Variants in GALNT2 observed in about 807,000 individuals in gnomAD.
GALNT2 encodes UDP-GalNAc:polypeptide N-acetylgalactosaminyltransferase 2.
In GALNT2, 31 loss-of-function variants were observed where a neutral mutation model predicts 81.4. The observed-to-expected ratio is 0.38, with a 90% CI of 0.29 to 0.51. The LOEUF (loss-of-function observed/expected upper bound fraction) is 0.51, where lower values mean the gene tolerates loss of function less well. Among genes scored for constraint, GALNT2 ranks in the 20% least tolerant of loss-of-function variants. GALNT2 has a pLI of 0.87. For synonymous variants in GALNT2, 303 were observed against 287.4 expected (o/e 1.05, Z -0.55); for missense variants, 629 against 765.7 (o/e 0.82, Z 2.11).
At chr1:230,268,325 C>G (rs975966078) in intron 14 of GALNT2, 17 of 152,084 alleles carry the variant, frequency 1.1e-4, no homozygotes, top group Admixed American at 8.5e-4. Flanking sequence ...GATGACAAAA[C>G]GGACGAGGTG....
At chr1:230,232,886 C>T (rs1664909672) in intron 3 of GALNT2, among the ~76,000 whole-genome samples, 1 of 152,014 alleles carries the variant, frequency 6.6e-6, no homozygotes. Context: ...TGCTTTTTTC[C>T]CCCAGACAAC....
At chr1:230,203,560 A>G (rs1256710390) in intron 3 of GALNT2, among the ~76,000 whole-genome samples, 1 of 152,174 alleles carries the variant, frequency 6.6e-6, no homozygotes, top group African/African-American at 2.4e-5. Flanking sequence ...TCAGAAAGAG[A>G]GTTGTGTGAC....
At chr1:230,194,605 C>A (rs1006192202) in intron 2 of GALNT2, among the ~76,000 whole-genome samples, 1 of 152,222 alleles carries the variant, frequency 6.6e-6, no homozygotes, top group African/African-American at 2.4e-5. Flanking sequence ...CTTCCTCTTG[C>A]GGTTAGCCCA....
intron 10 of GALNT2, among the ~76,000 whole-genome samples, chr1:230,254,245 T>C (rs1411132558): frequency 6.6e-6 from 1 of 152,194 alleles, no homozygotes; most frequent in African/African-American, 2.4e-5. Context: ...TACCTGTGTG[T>C]CACAAAAGGC....
chr1:230,094,969 A>G (rs1323028273), intron 1 of GALNT2, among the ~76,000 whole-genome samples: 1 of 152,082 alleles, frequency 6.6e-6, no homozygotes, highest in East Asian at 1.9e-4. Flanking sequence ...ATGCAAGTGG[A>G]CCTCTAAGCA....
rs1416506765 is a variant in GALNT2, at chr1:230,280,856, CAG to C, written c.*1400_*1401del. 1 of 152,262 alleles carries C rather than the reference CAG, an allele frequency of 6.6e-6. No individual in the cohort carries two copies. The highest frequency in any genetic ancestry group is 1.5e-5 in the Non-Finnish European group (1 of 68,078). 9.4% of individuals were successfully genotyped at this position (152,262 alleles called of 1,614,324 possible). A position where few individuals can be genotyped will look rare whatever the true frequency, so the allele number is the denominator to read the frequency against. The stretch of plus-strand genomic sequence containing the variant: ...GGAGCCTTGGGGTCCTGTTAAACCA[CAG>C]ACAGTTATGAACTGAAAGTCATAAC... On this transcript the variant is annotated 3_prime_UTR_variant, in exon 16 of 16. Transcript: ENST00000366672.
intron 14 of GALNT2, among the ~76,000 whole-genome samples, chr1:230,266,976 T>A (rs1256520574): frequency 7.3e-6 from 1 of 136,876 alleles, no homozygotes; most frequent in African/African-American, 2.9e-5. Context: ...TTCCAGTGCC[T>A]GTGCACGTGT....
intron 3 of GALNT2, among the ~76,000 whole-genome samples, chr1:230,212,219 A>T (rs1664254341): frequency 6.6e-6 from 1 of 152,174 alleles, no homozygotes; most frequent in African/African-American, 2.4e-5. Context: ...GGTTCTGTCT[A>T]ACAGTTGTGG....
chr1:230,181,954 T>C (rs1334250402), intron 2 of GALNT2, among the ~76,000 whole-genome samples: 5 of 152,242 alleles, frequency 3.3e-5, no homozygotes, highest in Non-Finnish European at 5.9e-5. Context: ...TTTCTTCTTA[T>C]GTGAATTTTG....
chr1:230,262,002 T>TC (rs1478756007), intron 11 of GALNT2: 2 of 149,090 alleles, frequency 1.3e-5, no homozygotes, highest in Non-Finnish European at 3.0e-5. Flanking sequence ...AGAGCGAGAC[T>TC]CCATCAAAAA....
At chr1:230,225,989 T>C (rs78345172) in intron 3 of GALNT2, among the ~76,000 whole-genome samples, 7,369 of 152,266 alleles carry the variant, frequency 0.048, 210 homozygotes, top group Non-Finnish European at 0.065. Context: ...AGTCTTATGC[T>C]CACTAAACTG....
chr1:230,235,213 CAAAAAAAAAAAAA>C (rs10532058), intron 3 of GALNT2, among the ~76,000 whole-genome samples: 4 of 76,732 alleles, frequency 5.2e-5, no homozygotes, highest in African/African-American at 9.8e-5. Context: ...GACCCTGTCT[CAAAAAAAAAAAAA>C]AAAAAAAAAA....
chr1:230,100,901 GT>G (rs1660383304), intron 1 of GALNT2, among the ~76,000 whole-genome samples: 1 of 152,204 alleles, frequency 6.6e-6, no homozygotes, highest in African/African-American at 2.4e-5. Context: ...TCATAAGGAC[GT>G]TTCAGTTAAC....
At chr1:230,077,173 C>G (rs148329070) in intron 1 of GALNT2, among the ~76,000 whole-genome samples, 3 of 152,278 alleles carry the variant, frequency 2.0e-5, no homozygotes, top group Non-Finnish European at 4.4e-5. Context: ...TGGGATGCCT[C>G]CCAGTCTCAT....
At chr1:230,167,825 C>T (rs1477977535) in intron 1 of GALNT2, among the ~76,000 whole-genome samples, 1 of 152,210 alleles carries the variant, frequency 6.6e-6, no homozygotes, top group Non-Finnish European at 1.5e-5. Context: ...GGGCCCCGCT[C>T]ATCACCAAGT....
intron 1 of GALNT2, among the ~76,000 whole-genome samples, chr1:230,090,171 T>C (rs1379949444): frequency 6.6e-6 from 1 of 152,224 alleles, no homozygotes; most frequent in South Asian, 2.1e-4. Context: ...TGTGGGTGTC[T>C]GTCACCAAGA....
chr1:230,223,009 A>G (rs1664596744), intron 3 of GALNT2, among the ~76,000 whole-genome samples: 2 of 152,200 alleles, frequency 1.3e-5, no homozygotes, highest in African/African-American at 4.8e-5. Context: ...TCAAATATAC[A>G]TGTTCAACCA....
chr1:230,146,294 A>G (rs1396843918), intron 1 of GALNT2, among the ~76,000 whole-genome samples: 1 of 152,192 alleles, frequency 6.6e-6, no homozygotes, highest in Non-Finnish European at 1.5e-5. Context: ...TCTCTCCCGC[A>G]CCAGGTCTGA....
At chr1:230,094,163 A>ATTTTTTT (rs58639878) in intron 1 of GALNT2, among the ~76,000 whole-genome samples, 1 of 119,378 alleles carries the variant, frequency 8.4e-6, no homozygotes, top group Non-Finnish European at 1.7e-5. Context: ...ATGCTGGCTA[A>ATTTTTTT]TTTTTTTTTT....
Sources: gnomAD v4.1 joint callset for allele counts (sites outside exome capture counted in the v4.1 genomes callset) on GRCh38, gnomAD v4.1.1 for gene constraint, MANE v1.5 for transcripts, NCBI Gene and HGNC (gene_info 2026-07-23, HGNC 2026-07-21) for gene names.